Variants in CDS2 observed in about 807,000 individuals in gnomAD.
CDS2 encodes the protein phosphatidate cytidylyltransferase 2.
A neutral mutation model predicts 59.0 loss-of-function variants in CDS2; 47 were observed. The observed-to-expected ratio is 0.80, with a 90% CI of 0.63 to 1.02. CDS2 has a LOEUF of 1.02. Among genes scored for constraint, CDS2 ranks in the 50% least tolerant of loss-of-function variants. The pLI, the probability that CDS2 is intolerant of heterozygous loss-of-function variation, is 0.00. For missense variants in CDS2, 356 were observed against 558.9 expected, an observed-to-expected ratio of 0.64 and a Z score of 3.66; for synonymous variants, 207 against 206.4, an observed-to-expected ratio of 1.00 and a Z score of -0.02.
intron 1 of CDS2, among the ~76,000 whole-genome samples, chr20:5,151,328 A>C (rs2090787397): frequency 6.6e-6 from 1 of 152,238 alleles, no homozygotes; most frequent in Non-Finnish European, 1.5e-5. Flanking sequence ...GTAAAAATCA[A>C]ATTTGATACA....
At position 5,189,312 on chromosome 20, in the gene CDS2, C is replaced by G. The variant is rs2091094781; in HGVS notation, c.1101+126C>G. ...TGGCATTTAATGTGTGATCTTGACC[C>G]ATGCACTGAATTTAGGTGAGTTAAT... On this transcript the variant is annotated intron_variant, in intron 11 of 12. Coordinates refer to ENST00000460006, the MANE Select transcript of CDS2 (RefSeq NM_003818.4). The G allele has an allele frequency of 3.9e-6, 4 of 1,024,128 alleles. No homozygotes were observed. In the South Asian group the frequency reaches 4.4e-5, roughly 11 times the overall value. The allele number at this position is 1,024,128 out of a possible 1,614,324, so 63.4% of individuals were successfully genotyped here. A position where few individuals can be genotyped will look rare whatever the true frequency, so the allele number is the denominator to read the frequency against.
At chr20:5,176,517 G>A in intron 3 of CDS2, 131 bp from the exon 4 acceptor site, 1 of 690,900 alleles carries the variant, frequency 1.4e-6, no homozygotes, top group Non-Finnish European at 2.6e-6. Flanking sequence ...AAGAAGGAGG[G>A]AAGCAGAACC....
chr20:5,159,837 T>G (rs2090863292), intron 1 of CDS2, among the ~76,000 whole-genome samples: 1 of 152,204 alleles, frequency 6.6e-6, no homozygotes, highest in East Asian at 1.9e-4. Context: ...ATAATTACCC[T>G]GTTTTTACTT....
intron 1 of CDS2, among the ~76,000 whole-genome samples, chr20:5,147,537 T>G (rs2090753523): frequency 6.6e-6 from 1 of 152,160 alleles, no homozygotes; most frequent in African/African-American, 2.4e-5. Context: ...GAAAACTCCC[T>G]GCATCTCAGT....
chr20:5,157,669 A>G (rs2123007418), intron 1 of CDS2, among the ~76,000 whole-genome samples: 1 of 152,312 alleles, frequency 6.6e-6, no homozygotes, highest in Middle Eastern at 3.4e-3. Context: ...TGGTTCATCC[A>G]GGGCTTCTCA....
intron 10 of CDS2, 89 bp from the exon 11 acceptor site, chr20:5,188,978 G>T (rs1404905471): frequency 6.5e-7 from 1 of 1,549,646 alleles, no homozygotes; most frequent in Non-Finnish European, 8.9e-7. Flanking sequence ...AGGCCACAAT[G>T]AGGATCAAAT....
intron 1 of CDS2, among the ~76,000 whole-genome samples, chr20:5,144,012 ACC>A (rs2090719117): frequency 1.3e-5 from 2 of 151,808 alleles, no homozygotes; most frequent in Non-Finnish European, 2.9e-5. Context: ...TGATCCGCCC[ACC>A]TTGACTTCTC....
intron 1 of CDS2, among the ~76,000 whole-genome samples, chr20:5,135,421 G>A (rs2090641138): frequency 6.6e-6 from 1 of 151,986 alleles, no homozygotes; most frequent in Non-Finnish European, 1.5e-5. Context: ...TGGCACTAGA[G>A]GCTGTTGGGG....
chr20:5,190,642 G>A lies in CDS2; in HGVS notation c.*408G>A, dbSNP rs1473300786. 6.5e-6 allele frequency: 1 copy of A among 153,330 alleles called. No individual in the cohort carries two copies. The highest frequency in any genetic ancestry group is 6.5e-5 in the Admixed American group (1 of 15,306). The allele number at this position is 153,330 out of a possible 1,614,324, so 9.5% of individuals were successfully genotyped here. A position where few individuals can be genotyped will look rare whatever the true frequency, so the allele number is the denominator to read the frequency against. ...ACCAAATCAGGGGACTTCCCCACCT[G>A]TGGTGGGAGGCACAGCTTAGATGTT... On this transcript the variant is annotated 3_prime_UTR_variant, in exon 13 of 13. Transcript: ENST00000460006.
chr20:5,143,868 G>T (rs758983441), intron 1 of CDS2, among the ~76,000 whole-genome samples: 20 of 151,230 alleles, frequency 1.3e-4, no homozygotes, highest in African/African-American at 4.9e-4. Context: ...GGGTTCAAGC[G>T]ATTTTTGTGC....
At chr20:5,172,168 A>T (rs529660593) in intron 1 of CDS2, among the ~76,000 whole-genome samples, 2 of 152,192 alleles carry the variant, frequency 1.3e-5, no homozygotes, top group African/African-American at 4.8e-5. Flanking sequence ...GTGCATGGGG[A>T]TAATGAGAAC....
chr20:5,165,805 G>T (rs2090909495), intron 1 of CDS2, among the ~76,000 whole-genome samples: 1 of 152,182 alleles, frequency 6.6e-6, no homozygotes, highest in African/African-American at 2.4e-5. Flanking sequence ...AGGAAAATTT[G>T]CTGGAAGAGA....
intron 5 of CDS2, among the ~76,000 whole-genome samples, chr20:5,180,271 C>G (rs1202907927): frequency 6.6e-6 from 1 of 151,800 alleles, no homozygotes; most frequent in African/African-American, 2.4e-5. Flanking sequence ...TTCTCCCAGC[C>G]CTATGAATAC....
At chr20:5,178,765 T>C (rs1422079745) in intron 4 of CDS2, 52 bp from the exon 5 acceptor site, 1 of 1,607,568 alleles carries the variant, frequency 6.2e-7, no homozygotes, top group Non-Finnish European at 8.5e-7. Context: ...CTGACTGCCT[T>C]GCTGTGAAGG....
At chr20:5,189,889 C>A in intron 12 of CDS2, 51 bp downstream of exon 12, 2 of 1,475,334 alleles carry the variant, frequency 1.4e-6, no homozygotes, top group Non-Finnish European at 1.9e-6. Context: ...AAGTACGGTG[C>A]AATTCTAGAA....
In CDS2 at chr20:5,184,903, C is replaced by G. The variant is rs1568543843; in HGVS notation, c.717C>G (p.Ala239=). ...GTGTGATCTGTAATGACATCATGGC[C>G]TATATGTTTGGCTTTTTCTTTGGTC... ...ISCVICNDIM[A]YMFGFFFGRT... is the part of the protein sequence containing the mutation. Residue 239 remains alanine, a synonymous_variant, in exon 8 of 13, where the codon GCC becomes GCG. Transcript: ENST00000460006. The surrounding 1 kb of genome is among the most constrained non-coding windows in gnomAD (Gnocchi z 4.3). The G allele has an allele frequency of 6.2e-7, 1 of 1,613,908 alleles. No individual in the cohort carries two copies. Among genetic ancestry groups the G allele is most frequent in the South Asian group, 1.1e-5 (1 of 91,076 alleles).
intron 6 of CDS2, among the ~76,000 whole-genome samples, chr20:5,182,798 C>T (rs1164067918): frequency 1.3e-5 from 2 of 152,228 alleles, no homozygotes; most frequent in Non-Finnish European, 2.9e-5. Context: ...TCTCTGAGTG[C>T]TCCAGGTGCT....
chr20:5,131,091 T>TCAAA (rs2090604079), intron 1 of CDS2, among the ~76,000 whole-genome samples: 1 of 141,738 alleles, frequency 7.1e-6, no homozygotes, highest in Admixed American at 7.0e-5. Flanking sequence ...AGACTCTGTC[T>TCAAA]TAAAAAAAAA....
chr20:5,138,419 A>C (rs2090665747), intron 1 of CDS2, among the ~76,000 whole-genome samples: 1 of 152,090 alleles, frequency 6.6e-6, no homozygotes, highest in Admixed American at 6.5e-5. Flanking sequence ...GCATAGATTT[A>C]TTTCTGAGTT....
Sources: allele counts gnomAD v4.1 joint callset (sites outside exome capture counted in the v4.1 genomes callset), GRCh38; gene constraint gnomAD v4.1.1; non-coding constraint Gnocchi (gnomAD v3.1); transcripts MANE v1.5; gene names NCBI Gene and HGNC (gene_info 2026-07-23, HGNC 2026-07-21).